Variants in EVC observed in about 807,000 individuals in gnomAD.
EVC encodes the protein evC complex member EVC.
EVC carries 116 observed loss-of-function variants against 118.9 expected under a neutral mutation model. The ratio of observed to expected loss-of-function variants is 0.98; its 90% CI spans 0.84 to 1.14. EVC has a LOEUF of 1.14. Ranked by LOEUF, EVC falls within the 50% of genes most tolerant of loss-of-function variation. The pLI is 0.00. For synonymous variants in EVC, 619 were observed against 534.7 expected (o/e 1.16, Z -2.18); for missense variants, 1,401 against 1,246.4 (o/e 1.12, Z -1.87).
intron 8 of EVC, chr4:5,752,536 T>G: frequency 2.1e-6 from 1 of 487,230 alleles, no homozygotes; most frequent in Non-Finnish European, 3.8e-6. Context: ...CTTGACCGTT[T>G]GTAAATCTGG....
the EVC span, chr4:5,821,678 G>A: frequency 2.2e-6 from 3 of 1,338,562 alleles, no homozygotes; most frequent in Admixed American, 2.1e-5. The surrounding 1 kb of genome is among the most constrained non-coding windows in gnomAD (Gnocchi z 4.4). Flanking sequence ...AACTAAAACT[G>A]TGGGTTTCAA....
chr4:5,821,379 A>G, the EVC span: 3 of 209,786 alleles, frequency 1.4e-5, no homozygotes, highest in African/African-American at 6.7e-5. This position sits in a 1 kb window ranked among gnomAD's most constrained non-coding sequence, Gnocchi z 4.4. Context: ...TACGTAATTT[A>G]GTAACATGCA....
At position 5,746,483 on chromosome 4, in the gene EVC, C is replaced by A. The variant is rs1302477949; in HGVS notation, c.939+1142C>A. Reference sequence around the variant, plus strand: ...GGAGGGAGGGAGCCAATGCTCCTGTCCTCTGAATAGGTCCAATATTGAGAG... The same window carrying A: ...GGAGGGAGGGAGCCAATGCTCCTGTACTCTGAATAGGTCCAATATTGAGAG... On this transcript the variant is annotated intron_variant, in intron 7 of 20. Coordinates refer to ENST00000264956, the MANE Select transcript of EVC (RefSeq NM_153717.3). The surrounding 1 kb of genome is among the most constrained non-coding windows in gnomAD (Gnocchi z 5.8). Among the ~76,000 whole-genome samples the A allele has an allele frequency of 6.6e-6, 1 of 152,146 alleles. No individual in the cohort carries two copies. The highest frequency in any genetic ancestry group is 1.5e-5 in the Non-Finnish European group (1 of 68,032).
intron 19 of EVC, 102 bp downstream of exon 19, chr4:5,809,713 T>C: frequency 1.8e-6 from 2 of 1,092,506 alleles, no homozygotes; most frequent in Non-Finnish European, 2.7e-6. Flanking sequence ...ACCTTAGGCA[T>C]CGTGCCTAGG....
chr4:5,797,448 G>C, intron 14 of EVC: 1 of 607,896 alleles, frequency 1.6e-6, no homozygotes, highest in Admixed American at 2.6e-5. Context: ...CCAGAATTCG[G>C]AGATCAGGGT....
intron 2 of EVC, among the ~76,000 whole-genome samples, chr4:5,720,585 C>T (rs990758093): frequency 6.6e-5 from 10 of 152,228 alleles, no homozygotes; most frequent in African/African-American, 1.9e-4. Flanking sequence ...GGTCCGACGT[C>T]AGTAGGGCTC....
intron 13 of EVC, among the ~76,000 whole-genome samples, chr4:5,794,259 A>ATT (rs1560419432): frequency 1.5e-4 from 11 of 71,060 alleles, no homozygotes; most frequent in Non-Finnish European, 2.5e-4. Flanking sequence ...ATTTATATGT[A>ATT]TTTATATATT....
chr4:5,794,090 G>T (rs1051133343), intron 13 of EVC, among the ~76,000 whole-genome samples: 2 of 151,454 alleles, frequency 1.3e-5, no homozygotes, highest in South Asian at 4.2e-4. Flanking sequence ...AAGATTTCTT[G>T]TGCCCAATTG....
the EVC span, chr4:5,821,778 G>A: frequency 6.2e-7 from 1 of 1,610,940 alleles, no homozygotes; most frequent in Non-Finnish European, 8.5e-7. This position sits in a 1 kb window ranked among gnomAD's most constrained non-coding sequence, Gnocchi z 4.4. Flanking sequence ...GGCTGGTGAT[G>A]TTGGAGCGGC....
downstream of EVC, among the ~76,000 whole-genome samples, chr4:5,818,707 C>T (rs1718043088): frequency 6.6e-6 from 1 of 152,208 alleles, no homozygotes; most frequent in South Asian, 2.1e-4. Context: ...CCTTAGGACT[C>T]TGCAGAGTCC....
At position 5,719,276 on chromosome 4, in the gene EVC, A is replaced by G. The variant is rs1577323933; in HGVS notation, c.203A>G (p.Asn68Ser). 1.9e-6 allele frequency: 3 copies of G among 1,614,148 alleles called. No homozygotes were observed. Among genetic ancestry groups the G allele is most frequent in the East Asian group, 2.2e-5 (1 of 44,874 alleles). Residue 68 changes from asparagine to serine, a missense_variant, in exon 2 of 21, where the codon AAT becomes AGT. Asn to Ser is a conservative substitution (Grantham distance 46). Coordinates refer to ENST00000264956, the MANE Select transcript of EVC (RefSeq NM_153717.3). This position sits in a 1 kb window ranked among gnomAD's most constrained non-coding sequence, Gnocchi z 4.7. The part of the protein sequence containing the change: ...QKDDTQNLLK[N>S]LESNAQTPSE... ...GACGACACTCAAAATCTGCTCAAGAATTTGGAGTCTAATGCGCAGACCCCC... is the reference window on the plus strand; with the variant it reads ...GACGACACTCAAAATCTGCTCAAGAGTTTGGAGTCTAATGCGCAGACCCCC...
chr4:5,712,303 G>C (rs1723170310), intron 1 of EVC, among the ~76,000 whole-genome samples: 1 of 152,200 alleles, frequency 6.6e-6, no homozygotes. Flanking sequence ...AGGAAACTGA[G>C]GCACAGAGAG....
chr4:5,731,507 C>T lies in EVC; in HGVS notation c.467C>T (p.Ser156Phe), dbSNP rs1294279906. ...AVLPHQPVEASPSSSLGSLSQ... is the reference protein window; with the variant it reads ...AVLPHQPVEAFPSSSLGSLSQ... Reference sequence around the variant, plus strand: ...TTGCCACACCAGCCGGTAGAGGCCTCTCCTTCCAGCAGTCTGGGGAGCCTG... The same window carrying T: ...TTGCCACACCAGCCGGTAGAGGCCTTTCCTTCCAGCAGTCTGGGGAGCCTG... The change falls in exon 4 of 21, where the codon TCT becomes TTT. Residue 156 changes from serine (S) to phenylalanine (F), a missense_variant. Ser to Phe is a radical substitution (Grantham distance 155). Transcript: ENST00000264956. The surrounding 1 kb of genome is among the most constrained non-coding windows in gnomAD (Gnocchi z 5.6). 6.2e-7 allele frequency: 1 copy of T among 1,614,174 alleles called. No individual in the cohort carries two copies. Among genetic ancestry groups the T allele is most frequent in the Admixed American group, 1.7e-5 (1 of 60,020 alleles).
chr4:5,748,639 CCCACCCATT>C, intron 8 of EVC, among the ~76,000 whole-genome samples: 1 of 115,472 alleles, frequency 8.7e-6, no homozygotes, highest in African/African-American at 3.4e-5. Context: ...CATCTGCCCT[CCCACCCATT>C]TATCCATCCA....
Position 5,754,277 on chromosome 4 carries a change from G to A in EVC, c.1464+344G>A, listed in dbSNP as rs905302598. Among the ~76,000 whole-genome samples, 2 of 152,172 alleles carry A rather than the reference G, an allele frequency of 1.3e-5. No individual in the cohort carries two copies. The highest frequency in any genetic ancestry group is 2.9e-5 in the Non-Finnish European group (2 of 68,034). ...TGTGTGGCCCAGAGGGGACAAGCAT[G>A]TCCCGGAGAGTAAGGCAGGCTCACA... On this transcript the variant is annotated intron_variant, in intron 10 of 20. Coordinates refer to ENST00000264956, the MANE Select transcript of EVC (RefSeq NM_153717.3). This position sits in a 1 kb window ranked among gnomAD's most constrained non-coding sequence, Gnocchi z 5.8.
In EVC at chr4:5,751,182, C is replaced by T. The variant is rs112748038; in HGVS notation, c.1099-1654C>T. On this transcript the variant is annotated intron_variant, in intron 8 of 20. Transcript: ENST00000264956. Reference sequence around the variant, plus strand: ...CACGTATTTTGACTTACTTAATCCTCATGTCAAATCTGTGTGGCAAGGGTC... The same window carrying T: ...CACGTATTTTGACTTACTTAATCCTTATGTCAAATCTGTGTGGCAAGGGTC... Among the ~76,000 whole-genome samples the T allele has an allele frequency of 7.2e-3, 1,091 of 152,302 alleles. 12 individuals carry two copies. Among genetic ancestry groups the T allele is most frequent in the African/African-American group, 0.025 (1,027 of 41,560 alleles).
chr4:5,792,234 A>G (rs1449570916), intron 12 of EVC, among the ~76,000 whole-genome samples: 1 of 152,204 alleles, frequency 6.6e-6, no homozygotes, highest in Non-Finnish European at 1.5e-5. Context: ...TTGCTAAAAA[A>G]CACATTTCCT....
chr4:5,734,445 G>T (rs28526341), intron 5 of EVC, among the ~76,000 whole-genome samples: 8,285 of 152,114 alleles, frequency 0.054, 282 homozygotes, highest in East Asian at 0.16. Flanking sequence ...TTTGAGACCA[G>T]CCTGGGCAAC....
chr4:5,738,855 C>T lies in EVC; in HGVS notation c.703-2861C>T, dbSNP rs1577385324. On this transcript the variant is annotated intron_variant, in intron 5 of 20. Transcript: ENST00000264956. This position sits in a 1 kb window ranked among gnomAD's most constrained non-coding sequence, Gnocchi z 6.5. ...TGCTGGGATTACGGGTGTGAGCCAC[C>T]GCACCCAGCCCAACAACTTTTTTTT... Among the ~76,000 whole-genome samples the T allele has an allele frequency of 6.6e-6, 1 of 152,054 alleles. No homozygotes were observed. The highest frequency in any genetic ancestry group is 1.5e-5 in the Non-Finnish European group (1 of 68,014).
Sources: allele counts gnomAD v4.1 joint callset (sites outside exome capture counted in the v4.1 genomes callset), GRCh38; gene constraint gnomAD v4.1.1; non-coding constraint Gnocchi (gnomAD v3.1); transcripts MANE v1.5; gene names NCBI Gene and HGNC (gene_info 2026-07-23, HGNC 2026-07-21).